Variants in KHDRBS2 observed in about 807,000 individuals in gnomAD.
KHDRBS2 encodes the protein KH domain-containing, RNA-binding, signal transduction-associated protein 2.
A neutral mutation model predicts 44.3 loss-of-function variants in KHDRBS2; 26 were observed. The ratio of observed to expected loss-of-function variants is 0.59; its 90% confidence interval spans 0.43 to 0.81. The LOEUF (loss-of-function observed/expected upper bound fraction) is 0.81. KHDRBS2 is among the 40% of genes least tolerant of loss of function. The probability of loss-of-function intolerance (pLI) is 0.00; values close to 1 mark genes in which losing one functional copy is unlikely to be tolerated. For missense variants in KHDRBS2, 476 were observed against 433.1 expected, an observed-to-expected ratio of 1.10 and a Z score of -0.88; for synonymous variants, 194 against 151.1, an observed-to-expected ratio of 1.28 and a Z score of -2.08.
intron 2 of KHDRBS2, among the ~76,000 whole-genome samples, chr6:62,097,093 C>G (rs1278390089): frequency 6.6e-6 from 1 of 151,478 alleles, no homozygotes; most frequent in African/African-American, 2.4e-5. Flanking sequence ...AGAAAAGATA[C>G]CTGATATAAT....
intron 1 of KHDRBS2, among the ~76,000 whole-genome samples, chr6:62,268,129 A>C (rs1209984023): frequency 6.6e-6 from 1 of 151,930 alleles, no homozygotes; most frequent in Non-Finnish European, 1.5e-5. Context: ...TCCTGTCCTA[A>C]ATGCAAACAA....
intron 6 of KHDRBS2, among the ~76,000 whole-genome samples, chr6:61,833,834 T>G (rs1352450067): frequency 1.3e-5 from 2 of 152,184 alleles, no homozygotes; most frequent in Admixed American, 6.5e-5. Context: ...TTCTTACAAT[T>G]TCTTTAAAAT....
intron 3 of KHDRBS2, among the ~76,000 whole-genome samples, chr6:62,035,378 A>G (rs548470832): frequency 6.6e-6 from 1 of 152,128 alleles, no homozygotes; most frequent in East Asian, 1.9e-4. Context: ...ATGCCGAGTG[A>G]AATAAGCCAG....
chr6:61,852,887 A>G (rs1795657478), intron 6 of KHDRBS2, among the ~76,000 whole-genome samples: 1 of 152,148 alleles, frequency 6.6e-6, no homozygotes, highest in Non-Finnish European at 1.5e-5. Flanking sequence ...AAAATCAAAA[A>G]CCACCTACAT....
chr6:61,682,524 A>G (rs932889450), intron 8 of KHDRBS2, among the ~76,000 whole-genome samples: 1 of 151,886 alleles, frequency 6.6e-6, no homozygotes, highest in Non-Finnish European at 1.5e-5. Flanking sequence ...ATTGTTTTAT[A>G]AATAGTTTTA....
At chr6:61,852,260 G>GA (rs1795540357) in intron 6 of KHDRBS2, among the ~76,000 whole-genome samples, 1 of 149,786 alleles carries the variant, frequency 6.7e-6, no homozygotes. Flanking sequence ...AAGTAAACCA[G>GA]AAAAACATTG....
intron 6 of KHDRBS2, among the ~76,000 whole-genome samples, chr6:61,823,488 C>A (rs1288012756): frequency 6.6e-6 from 1 of 152,018 alleles, no homozygotes; most frequent in Non-Finnish European, 1.5e-5. Flanking sequence ...TGGTTAAAGA[C>A]ATAGTCTAAT....
chr6:62,061,977 G>A (rs2127327837), intron 2 of KHDRBS2, among the ~76,000 whole-genome samples: 1 of 151,802 alleles, frequency 6.6e-6, no homozygotes, highest in Middle Eastern at 3.4e-3. Flanking sequence ...GGCTCCTGAG[G>A]CTCCTGCATT....
intron 2 of KHDRBS2, among the ~76,000 whole-genome samples, chr6:62,132,382 T>C (rs1040413481): frequency 4.6e-5 from 7 of 152,116 alleles, no homozygotes; most frequent in Admixed American, 4.6e-4. Flanking sequence ...ACCCAAATCA[T>C]TACCTCCTGG....
intron 1 of KHDRBS2, among the ~76,000 whole-genome samples, chr6:62,229,551 G>C (rs1832547159): frequency 6.6e-6 from 1 of 152,156 alleles, no homozygotes; most frequent in Non-Finnish European, 1.5e-5. Flanking sequence ...ACTGGAGCTC[G>C]GCTGGCTTAT....
At chr6:61,887,142 TCA>T (rs1801075135) in intron 6 of KHDRBS2, among the ~76,000 whole-genome samples, 1 of 152,108 alleles carries the variant, frequency 6.6e-6, no homozygotes. Flanking sequence ...GATGCAATTC[TCA>T]GTTTCAAGCT....
chr6:61,862,313 T>C (rs1226407125), intron 6 of KHDRBS2, among the ~76,000 whole-genome samples: 4 of 152,106 alleles, frequency 2.6e-5, no homozygotes, highest in Non-Finnish European at 4.4e-5. Flanking sequence ...CCTTTATTTC[T>C]TTCTCTTGCC....
intron 6 of KHDRBS2, among the ~76,000 whole-genome samples, chr6:61,810,616 A>G (rs563212640): frequency 1.3e-5 from 2 of 152,180 alleles, no homozygotes; most frequent in East Asian, 1.9e-4. Context: ...ACTGCCATAC[A>G]TAAGAGACTT....
chr6:61,717,323 A>G (rs1455720816), intron 7 of KHDRBS2, among the ~76,000 whole-genome samples: 1 of 152,000 alleles, frequency 6.6e-6, no homozygotes, highest in Non-Finnish European at 1.5e-5. Flanking sequence ...TGCCTAAAAT[A>G]AATACGTCAA....
At chr6:62,097,439 G>A (rs1800862815) in intron 2 of KHDRBS2, among the ~76,000 whole-genome samples, 1 of 151,910 alleles carries the variant, frequency 6.6e-6, no homozygotes, top group Admixed American at 6.6e-5. Context: ...ATTTACAACT[G>A]TTAACATCCT....
At chr6:61,543,479 C>T in the KHDRBS2 span, among the ~76,000 whole-genome samples, 4 of 151,896 alleles carry the variant, frequency 2.6e-5, no homozygotes, top group East Asian at 3.9e-4. Context: ...AAAAGGGAAC[C>T]CTCATACACT....
At chr6:62,156,838 ATTTTTT>A (rs34408265) in intron 2 of KHDRBS2, among the ~76,000 whole-genome samples, 2 of 124,034 alleles carry the variant, frequency 1.6e-5, no homozygotes, top group African/African-American at 6.1e-5. Flanking sequence ...CGCCCGGCTA[ATTTTTT>A]TTTTTTTTTT....
chr6:61,742,593 C>A (rs966857705), intron 6 of KHDRBS2, among the ~76,000 whole-genome samples: 2 of 151,910 alleles, frequency 1.3e-5, no homozygotes, highest in African/African-American at 4.8e-5. Context: ...ATAGTCTCTT[C>A]CATCTCTTTT....
intron 3 of KHDRBS2, among the ~76,000 whole-genome samples, chr6:62,027,810 T>C (rs1343975237): frequency 6.6e-6 from 1 of 152,114 alleles, no homozygotes; most frequent in Non-Finnish European, 1.5e-5. Flanking sequence ...TTCTATGCCT[T>C]TTCCCCATAA....
Sources: gnomAD v4.1 joint callset for allele counts (sites outside exome capture counted in the v4.1 genomes callset) on GRCh38, gnomAD v4.1.1 for gene constraint, MANE v1.5 for transcripts, NCBI Gene and HGNC (gene_info 2026-07-23, HGNC 2026-07-21) for gene names.